TBC1D30: variants seen among roughly 807,000 people sequenced by gnomAD.
TBC1D30 encodes TBC1 domain family, member 30.
A neutral mutation model predicts 63.2 loss-of-function variants in TBC1D30; 31 were observed. That is an observed-to-expected ratio of 0.49 (90% CI 0.37 to 0.66). The LOEUF (loss-of-function observed/expected upper bound fraction) is 0.66. Ranked by LOEUF, TBC1D30 falls within the 30% of genes least tolerant of loss-of-function variation. The pLI, the probability that TBC1D30 is intolerant of heterozygous loss-of-function variation, is 0.00. For synonymous variants in TBC1D30, 307 were observed against 361.5 expected (o/e 0.85, Z 1.71); for missense variants, 810 against 953.6 (o/e 0.85, Z 1.98).
intron 1 of TBC1D30, among the ~76,000 whole-genome samples, chr12:64,774,161 A>G (rs753053172): frequency 6.6e-6 from 1 of 152,222 alleles, no homozygotes; most frequent in Non-Finnish European, 1.5e-5. Context: ...ACAAGTATTA[A>G]TAGCATAATC....
At chr12:64,851,390 TCCTC>T (rs1254612898) in intron 8 of TBC1D30, among the ~76,000 whole-genome samples, 1 of 152,188 alleles carries the variant, frequency 6.6e-6, no homozygotes, top group African/African-American at 2.4e-5. Context: ...TGGTAAATCT[TCCTC>T]CATCCCTTTA....
At chr12:64,786,795 T>G (rs1871615626) in intron 2 of TBC1D30, among the ~76,000 whole-genome samples, 1 of 151,812 alleles carries the variant, frequency 6.6e-6, no homozygotes, top group Non-Finnish European at 1.5e-5. Flanking sequence ...TACTAAAAAT[T>G]AGCTGGTCGT....
chr12:64,802,897 T>C (rs1050639225), intron 2 of TBC1D30, among the ~76,000 whole-genome samples: 27 of 152,366 alleles, frequency 1.8e-4, no homozygotes, highest in African/African-American at 6.3e-4. Context: ...AGTCTGTTAT[T>C]GATGGACATT....
chr12:64,878,055 A>C lies in TBC1D30; in HGVS notation c.*2267A>C, dbSNP rs1465143932. The C allele has an allele frequency of 5.5e-6, 1 of 182,838 alleles. No homozygotes were observed. Among genetic ancestry groups the C allele is most frequent in the Non-Finnish European group, 1.2e-5 (1 of 85,660 alleles). The allele number at this position is 182,838 out of a possible 1,614,324, so 11.3% of individuals were successfully genotyped here. A position where few individuals can be genotyped will look rare whatever the true frequency, so the allele number is the denominator to read the frequency against. ...ATTTCCAGGGTTGGTCTTCCTGAGA[A>C]GGGGATGGATGAGGTAACACACAGT... is the stretch of plus-strand genomic sequence containing the variant. On this transcript the variant is annotated 3_prime_UTR_variant, in exon 12 of 12. Coordinates refer to ENST00000539867, the MANE Select transcript of TBC1D30 (RefSeq NM_015279.2).
In TBC1D30 at chr12:64,838,744, C is replaced by T. The variant is rs1875585154; in HGVS notation, c.825C>T (p.Ala275=). 6.5e-7 allele frequency: 1 copy of T among 1,536,570 alleles called. No homozygotes were observed. The highest frequency in any genetic ancestry group is 1.4e-5 in the African/African-American group (1 of 73,156). ...FTMQWFLTLF[A]TCLPNQTVLK... The stretch of plus-strand genomic sequence containing the variant: ...TGCAGTGGTTTCTGACTCTCTTTGC[C>T]ACATGCCTCCCTAATCAGACCGTTT... The change falls in exon 7 of 12, where the codon GCC becomes GCT. Residue 275 remains alanine (A), a synonymous_variant. Transcript: ENST00000539867.
intron 1 of TBC1D30, among the ~76,000 whole-genome samples, chr12:64,765,523 A>G (rs1245444312): frequency 6.9e-6 from 1 of 145,010 alleles, no homozygotes; most frequent in Non-Finnish European, 1.5e-5. Context: ...AAAAAAAATT[A>G]CTATATAGGC....
chr12:64,759,991 T>A (rs1286835099), intron 1 of TBC1D30, among the ~76,000 whole-genome samples: 1 of 152,232 alleles, frequency 6.6e-6, no homozygotes, highest in Non-Finnish European at 1.5e-5. Flanking sequence ...GTTAGCTCTC[T>A]TAACTCCAAA....
chr12:64,875,384 A>G lies in TBC1D30; in HGVS notation c.1882A>G (p.Ser628Gly), dbSNP rs1483333507. 2.0e-6 allele frequency: 3 copies of G among 1,536,148 alleles called. No homozygotes were observed. Among genetic ancestry groups the G allele is most frequent in the African/African-American group, 1.4e-5 (1 of 73,056 alleles). ...GAGAGAAGGCAGCAGCCCTGAAGGC[A>G]GTACCAGGAGGACGATCGAGGGGCA... is the stretch of plus-strand genomic sequence containing the variant. ...AGREGSSPEGSTRRTIEGQSP... is the reference protein window; with the variant it reads ...AGREGSSPEGGTRRTIEGQSP... Residue 628 changes from serine to glycine, a missense_variant, in exon 12 of 12, where the codon AGT becomes GGT. Transcript: ENST00000539867.
At chr12:64,777,114 A>G (rs1046625891), upstream of TBC1D30, among the ~76,000 whole-genome samples, 2 of 152,234 alleles carry the variant, frequency 1.3e-5, no homozygotes, top group Non-Finnish European at 2.9e-5. Flanking sequence ...ACCTCAAAAA[A>G]GTAAGAACCA....
intron 2 of TBC1D30, among the ~76,000 whole-genome samples, chr12:64,804,059 T>C (rs554959634): frequency 2.6e-5 from 4 of 152,328 alleles, no homozygotes; most frequent in Admixed American, 6.5e-5. Flanking sequence ...GGGGATGGCA[T>C]TGAATCTATA....
At chr12:64,771,296 T>C (rs1174955711) in intron 1 of TBC1D30, among the ~76,000 whole-genome samples, 1 of 151,976 alleles carries the variant, frequency 6.6e-6, no homozygotes, top group African/African-American at 2.4e-5. Context: ...ATGACATCTA[T>C]AGCAGGAATT....
chr12:64,831,825 C>A (rs1143833), intron 4 of TBC1D30, among the ~76,000 whole-genome samples: 100,414 of 151,994 alleles, frequency 0.66, 33,416 homozygotes, highest in East Asian at 0.9. Context: ...TGAAATTATA[C>A]TGTAATTATT....
At position 64,876,291 on chromosome 12, in the gene TBC1D30, G is replaced by T. The variant is rs1007219116; in HGVS notation, c.*503G>T. The T allele has an allele frequency of 6.4e-5, 10 of 157,266 alleles. No homozygotes were observed. Among genetic ancestry groups the T allele is most frequent in the Non-Finnish European group, 2.8e-5 (2 of 71,332 alleles). The allele number at this position is 157,266 out of a possible 1,614,324, so 9.7% of individuals were successfully genotyped here. A position where few individuals can be genotyped will look rare whatever the true frequency, so the allele number is the denominator to read the frequency against. On this transcript the variant is annotated 3_prime_UTR_variant, in exon 12 of 12. Transcript: ENST00000539867. The stretch of plus-strand genomic sequence containing the variant: ...TTTCATGCTTTACGGAGGGGATTGT[G>T]TCGTGTGAGATTTCCCACAGTACCA...
At position 64,878,100 on chromosome 12, in the gene TBC1D30, A is replaced by G. The variant is rs888614209; in HGVS notation, c.*2312A>G. ...CACAGTTTGGGATACGTATCTGTTG[A>G]ATGAATGAATAAGTGAAAGGATAAT... On this transcript the variant is annotated 3_prime_UTR_variant, in exon 12 of 12. Transcript: ENST00000539867. The G allele has an allele frequency of 4.8e-6, 1 of 207,964 alleles. No individual in the cohort carries two copies. Among genetic ancestry groups the G allele is most frequent in the Non-Finnish European group, 1.0e-5 (1 of 100,480 alleles). The allele number at this position is 207,964 out of a possible 1,614,324, so 12.9% of individuals were successfully genotyped here.
chr12:64,759,865 C>T (rs1304973831), intron 1 of TBC1D30, among the ~76,000 whole-genome samples: 77 of 152,154 alleles, frequency 5.1e-4, no homozygotes, highest in Non-Finnish European at 2.9e-5. Context: ...TATTTAATCC[C>T]CAAGTCGACG....
rs143947308 is a variant in TBC1D30 at position 64,866,266 on chromosome 12, A to G, written c.1152-498A>G. 5.9e-5 allele frequency among the ~76,000 whole-genome samples: 9 copies of G among 152,304 alleles called. No homozygotes were observed. The East Asian group carries it at 9.6e-4, about 16-fold the overall frequency. ...AAGAGAAAAATAAAAGCATGTAGTC[A>G]TATTTGCTTATGTGTGCTCAGAGAA... On this transcript the variant is annotated intron_variant, in intron 9 of 11. Coordinates refer to ENST00000539867, the MANE Select transcript of TBC1D30 (RefSeq NM_015279.2).
At chr12:64,848,421 C>G (rs1876578676) in intron 8 of TBC1D30, among the ~76,000 whole-genome samples, 2 of 152,094 alleles carry the variant, frequency 1.3e-5, no homozygotes, top group Admixed American at 1.3e-4. Context: ...CTATCCCTCC[C>G]TTAGCCCCAT....
At chr12:64,781,351 C>A (rs1238817281) in intron 1 of TBC1D30, 3 of 1,041,032 alleles carry the variant, frequency 2.9e-6, no homozygotes, top group Non-Finnish European at 3.5e-6. Flanking sequence ...GCCGTCTCTG[C>A]CCGCGCTCCA....
rs944892076 is a variant in TBC1D30, at chr12:64,877,776, C to G, written c.*1988C>G. The G allele has an allele frequency of 6.6e-6, 1 of 152,272 alleles. No individual in the cohort carries two copies. Among genetic ancestry groups the G allele is most frequent in the African/African-American group, 2.4e-5 (1 of 41,444 alleles). The allele number at this position is 152,272 out of a possible 1,614,324, so 9.4% of individuals were successfully genotyped here. On this transcript the variant is annotated 3_prime_UTR_variant, in exon 12 of 12. Coordinates refer to ENST00000539867, the MANE Select transcript of TBC1D30 (RefSeq NM_015279.2). ...AACTTTACAGATAATAGTGTTTCCA[C>G]CTCATATCCTTTTCTTTGCCCCTTC...
Sources: allele counts gnomAD v4.1 joint callset (sites outside exome capture counted in the v4.1 genomes callset), GRCh38; gene constraint gnomAD v4.1.1; transcripts MANE v1.5; gene names NCBI Gene and HGNC (gene_info 2026-07-23, HGNC 2026-07-21).